Variants in MBTD1 observed in about 807,000 individuals in gnomAD.
MBTD1 encodes the protein MBT domain-containing protein 1.
A neutral mutation model predicts 87.8 loss-of-function variants in MBTD1; 24 were observed. The observed-to-expected ratio is 0.27, with a 90% CI of 0.20 to 0.38. The LOEUF (loss-of-function observed/expected upper bound fraction) is 0.38. Among genes scored for constraint, MBTD1 ranks in the 10% least tolerant of loss-of-function variants. The probability of loss-of-function intolerance (pLI) is 1.00; values close to 1 mark genes in which losing one functional copy is unlikely to be tolerated. For synonymous variants in MBTD1, 237 were observed against 248.6 expected (o/e 0.95, Z 0.44); for missense variants, 436 against 760.2 (o/e 0.57, Z 5.02).
chr17:51,212,523 C>T (rs1598347551), intron 6 of MBTD1, among the ~76,000 whole-genome samples: 1 of 147,906 alleles, frequency 6.8e-6, no homozygotes, highest in Admixed American at 6.8e-5. Flanking sequence ...TTAGTAAAGA[C>T]AGCATCAATA....
chr17:51,248,684 T>A (rs1214365939), intron 2 of MBTD1, among the ~76,000 whole-genome samples: 1 of 152,238 alleles, frequency 6.6e-6, no homozygotes, highest in African/African-American at 2.4e-5. Context: ...TTCATTCATG[T>A]TACATGTATA....
intron 12 of MBTD1, among the ~76,000 whole-genome samples, chr17:51,198,788 AT>A (rs1423536293): frequency 6.6e-6 from 1 of 151,980 alleles, no homozygotes; most frequent in Middle Eastern, 3.2e-3. Flanking sequence ...GGAGTCGATC[AT>A]GGGAATCCAC....
intron 16 of MBTD1, 171 bp downstream of exon 16, chr17:51,192,032 G>A: frequency 1.6e-5 from 10 of 611,314 alleles, no homozygotes; most frequent in Non-Finnish European, 2.9e-5. Flanking sequence ...AAATATCAGT[G>A]TTTCTCATTA....
chr17:51,201,501 T>C lies in MBTD1; in HGVS notation c.1224+91A>G, dbSNP rs147821067. 1,580 of 735,620 alleles carry C rather than the reference T, an allele frequency of 2.1e-3. 13 individuals carry two copies. The highest frequency in any genetic ancestry group is 0.016 in the South Asian group (871 of 54,378). 45.6% of individuals were successfully genotyped at this position (735,620 alleles called of 1,614,324 possible). On this transcript the variant is annotated intron_variant, in intron 12 of 16. Coordinates refer to ENST00000586178, the MANE Select transcript of MBTD1 (RefSeq NM_017643.3). ...TGAAGATATACACATACACATTTTA[T>C]GTCAAAACGAATATGCTTGGGGACT... is the stretch of plus-strand genomic sequence containing the variant.
chr17:51,212,283 G>A (rs933631623), intron 6 of MBTD1, among the ~76,000 whole-genome samples: 5 of 151,650 alleles, frequency 3.3e-5, no homozygotes, highest in South Asian at 4.2e-4. Context: ...GATTGAACCC[G>A]GGAAGCAGAG....
At chr17:51,188,026 A>C (rs2050627191) in intron 16 of MBTD1, among the ~76,000 whole-genome samples, 1 of 152,222 alleles carries the variant, frequency 6.6e-6, no homozygotes, top group Non-Finnish European at 1.5e-5. Flanking sequence ...CCTATGTAAA[A>C]TGATGTGGGA....
chr17:51,194,367 C>T (rs535682018), intron 13 of MBTD1, among the ~76,000 whole-genome samples: 14 of 151,974 alleles, frequency 9.2e-5, no homozygotes, highest in Middle Eastern at 6.8e-3. Context: ...GCCAGGAGTT[C>T]GTGATGAGCC....
chr17:51,198,812 GT>G (rs1568163828), intron 12 of MBTD1, among the ~76,000 whole-genome samples: 1 of 152,172 alleles, frequency 6.6e-6, no homozygotes, highest in East Asian at 1.9e-4. Flanking sequence ...GATTTTTGTT[GT>G]TGTTGTTTGA....
intron 16 of MBTD1, among the ~76,000 whole-genome samples, chr17:51,186,860 G>C (rs1477756606): frequency 2.6e-5 from 4 of 151,872 alleles, no homozygotes; most frequent in African/African-American, 9.7e-5. Flanking sequence ...GCTTGAGATG[G>C]GATAAAAACC....
intron 6 of MBTD1, among the ~76,000 whole-genome samples, chr17:51,210,354 G>A (rs2052107768): frequency 6.6e-6 from 1 of 152,130 alleles, no homozygotes; most frequent in Admixed American, 6.5e-5. Context: ...AGGCAGATGG[G>A]GAGTCCAAGG....
In MBTD1 at chr17:51,194,566, C is replaced by CAAAAAAAAAAAA. The variant is rs71355733; in HGVS notation, c.1372+636_1372+647dup. Among the ~76,000 whole-genome samples the CAAAAAAAAAAAA allele has an allele frequency of 1.7e-3, 33 of 19,734 alleles. 9 individuals are homozygous for CAAAAAAAAAAAA. Among genetic ancestry groups the CAAAAAAAAAAAA allele is most frequent in the African/African-American group, 7.9e-3 (30 of 3,804 alleles). 12.9% of individuals were successfully genotyped at this position (19,734 alleles called of 152,430 possible). A position where few individuals can be genotyped will look rare whatever the true frequency, so the allele number is the denominator to read the frequency against. ...CCTGGGTGACAGAGCGAGACTGTCT[C>CAAAAAAAAAAAA]AAAAAAAAAAAAAAAAAAAAAAAAA... On this transcript the variant is annotated intron_variant, in intron 13 of 16. Coordinates refer to ENST00000586178, the MANE Select transcript of MBTD1 (RefSeq NM_017643.3).
intron 2 of MBTD1, among the ~76,000 whole-genome samples, chr17:51,245,231 T>C (rs1390387939): frequency 2.0e-5 from 3 of 152,154 alleles, no homozygotes; most frequent in Non-Finnish European, 2.9e-5. Context: ...TTATTTTGTG[T>C]GGTTTTATGT....
upstream of MBTD1, chr17:51,260,118 A>C (rs1332149015): frequency 2.7e-6 from 1 of 366,084 alleles, no homozygotes; most frequent in East Asian, 4.1e-5. Flanking sequence ...TTCCCTACAT[A>C]CCCTCCTCTC....
At chr17:51,260,932 G>A, upstream of MBTD1, 11 of 1,541,852 alleles carry the variant, frequency 7.1e-6, no homozygotes, top group Non-Finnish European at 9.6e-6. Context: ...CGAGGGTGAG[G>A]GAGGCCGCGG....
chr17:51,202,465 A>T (rs1273291732), intron 10 of MBTD1, among the ~76,000 whole-genome samples: 2 of 152,236 alleles, frequency 1.3e-5, no homozygotes, highest in African/African-American at 4.8e-5. Flanking sequence ...AAAGAAAGAA[A>T]CAATTATAGT....
At chr17:51,246,660 G>C (rs1163958390) in intron 2 of MBTD1, among the ~76,000 whole-genome samples, 1 of 152,022 alleles carries the variant, frequency 6.6e-6, no homozygotes, top group African/African-American at 2.4e-5. Flanking sequence ...TTTTGAGACA[G>C]GGTCTCACTC....
At position 51,191,260 on chromosome 17, in the gene MBTD1, CTT is replaced by C. The variant is rs10545166; in HGVS notation, c.1768+941_1768+942del. On this transcript the variant is annotated intron_variant, in intron 16 of 16. Transcript: ENST00000586178. ...GTAAAATATAGTATAGAAAGAATTT[CTT>C]TTTTTTTTTTTTTTTCGAGATGGAG... Among the ~76,000 whole-genome samples the C allele has an allele frequency of 1.5e-3, 207 of 136,540 alleles. 1 individual carries two copies. The highest frequency in any genetic ancestry group is 2.3e-3 in the Non-Finnish European group (150 of 64,042). 89.6% of individuals were successfully genotyped at this position (136,540 alleles called of 152,430 possible).
chr17:51,182,284 C>T (rs2050347520), intron 16 of MBTD1, among the ~76,000 whole-genome samples: 1 of 152,118 alleles, frequency 6.6e-6, no homozygotes, highest in Non-Finnish European at 1.5e-5. Context: ...GCCACCATGC[C>T]TGGCGAATTC....
chr17:51,216,706 T>C (rs1439723266), intron 6 of MBTD1, among the ~76,000 whole-genome samples: 4 of 152,228 alleles, frequency 2.6e-5, no homozygotes, highest in East Asian at 1.9e-4. Context: ...TCGTATGACA[T>C]TGTCAATATG....
Sources: allele counts gnomAD v4.1 joint callset (sites outside exome capture counted in the v4.1 genomes callset), GRCh38; gene constraint gnomAD v4.1.1; transcripts MANE v1.5; gene names NCBI Gene and HGNC (gene_info 2026-07-23, HGNC 2026-07-21).